AREL1: variants seen among roughly 807,000 people sequenced by gnomAD.
The protein encoded by AREL1 is apoptosis resistant E3 ubiquitin protein ligase 1.
A neutral mutation model predicts 99.0 loss-of-function variants in AREL1; 62 were observed. That is an observed-to-expected ratio of 0.63 (90% CI 0.51 to 0.77). The LOEUF is 0.77. Ranked by LOEUF, AREL1 falls within the 30% of genes least tolerant of loss-of-function variation. The pLI, the probability that AREL1 is intolerant of heterozygous loss-of-function variation, is 0.00. For missense variants in AREL1, 879 were observed against 1,027.6 expected (o/e 0.86, Z 1.98); for synonymous variants, 380 against 376.5 (o/e 1.01, Z -0.11).
At chr14:74,669,622 AC>A in intron 15 of AREL1, 26 bp downstream of exon 15, 1 of 1,610,996 alleles carries the variant, frequency 6.2e-7, no homozygotes, top group African/African-American at 1.3e-5. Flanking sequence ...AGAACATAGG[AC>A]CCAGAGGCTT....
chr14:74,679,711 C>T (rs535271333), intron 5 of AREL1, among the ~76,000 whole-genome samples: 5 of 152,172 alleles, frequency 3.3e-5, no homozygotes, highest in African/African-American at 9.6e-5. Context: ...GCCTGTAATC[C>T]CAGCTACTTG....
rs766118763 is a variant in AREL1, at chr14:74,684,578, C to T, written c.119G>A (p.Arg40His). The change falls in exon 4 of 20, where the codon CGC (arginine) becomes CAC (histidine). Residue 40 changes from arginine (R) to histidine (H), a missense_variant. Physicochemically the swap from Arg to His is conservative, Grantham distance 29. Transcript: ENST00000356357. Reference protein sequence around the residue: ...VSFLQNEDRERRGDRTIYDYV... With the variant: ...VSFLQNEDREHRGDRTIYDYV... ...GTCATAAATAGTCCGGTCCCCTCGG[C>T]GCTCGCGGTCCTCATTCTGGAGGAA... is the stretch of plus-strand genomic sequence containing the variant. 28 of 1,614,056 alleles carry T rather than the reference C, an allele frequency of 1.7e-5. No homozygotes were observed. In the African/African-American group the frequency reaches 2.0e-4, roughly 12 times the overall value.
intron 5 of AREL1, among the ~76,000 whole-genome samples, chr14:74,682,398 A>G (rs892969920): frequency 1.4e-4 from 22 of 152,254 alleles, no homozygotes; most frequent in African/African-American, 5.3e-4. Flanking sequence ...GAGTAATAAA[A>G]ACATGTCAAC....
rs1269615024 is a variant in AREL1, at chr14:74,673,153, T to C, written c.1224A>G (p.Gln408=). The change falls in exon 10 of 20, where the codon CAA becomes CAG. Residue 408 remains glutamine, a synonymous_variant. Coordinates refer to ENST00000356357, the MANE Select transcript of AREL1 (RefSeq NM_001039479.2). ...LLTLVVDDGI[Q]PPVELSCKER... The stretch of plus-strand genomic sequence containing the variant: ...CCTTACAGCTGAGCTCCACAGGAGG[T>C]TGAATGCCATCATCCACCACCAGTG... 8.7e-6 allele frequency: 14 copies of C among 1,613,960 alleles called. No homozygotes were observed. The highest frequency in any genetic ancestry group is 1.1e-5 in the Non-Finnish European group (13 of 1,180,010).
At position 74,678,141 on chromosome 14, in the gene AREL1, C is replaced by T. The variant is rs1208114037; in HGVS notation, c.482-1389G>A. 4 of 447,832 alleles carry T rather than the reference C, an allele frequency of 8.9e-6. No individual in the cohort carries two copies. In the Admixed American group the frequency reaches 9.9e-5, roughly 11 times the overall value. The allele number at this position is 447,832 out of a possible 1,614,324, so 27.7% of individuals were successfully genotyped here. On this transcript the variant is annotated intron_variant, in intron 5 of 19. Transcript: ENST00000356357. The stretch of plus-strand genomic sequence containing the variant: ...AGGCAAAGGAACTAGAATACTAAAA[C>T]AATTTTGAAAAAGAAGAATAAAGTG...
intron 18 of AREL1, 77 bp downstream of exon 18, chr14:74,664,756 GCCT>G (rs2089174419): frequency 3.2e-6 from 4 of 1,253,074 alleles, no homozygotes; most frequent in Non-Finnish European, 4.5e-6. Context: ...ACTGCGCCCG[GCCT>G]CCTCTACTTT....
Position 74,661,409 on chromosome 14 carries a change from T to G in AREL1, c.*2311A>C, listed in dbSNP as rs2089073658. The G allele has an allele frequency of 2.3e-6, 1 of 442,718 alleles. No individual in the cohort carries two copies. The highest frequency in any genetic ancestry group is 4.5e-6 in the Non-Finnish European group (1 of 220,710). The allele number at this position is 442,718 out of a possible 1,614,324, so 27.4% of individuals were successfully genotyped here. ...TGACACTCTCCTAGGTATTCACTCATGTCTGGTCTCCTTCAAAGACGCTAA... is the reference window on the plus strand; with the variant it reads ...TGACACTCTCCTAGGTATTCACTCAGGTCTGGTCTCCTTCAAAGACGCTAA... On this transcript the variant is annotated 3_prime_UTR_variant, in exon 20 of 20. Coordinates refer to ENST00000356357, the MANE Select transcript of AREL1 (RefSeq NM_001039479.2).
At chr14:74,664,351 G>T (rs1189057623) in intron 18 of AREL1, among the ~76,000 whole-genome samples, 3 of 151,528 alleles carry the variant, frequency 2.0e-5, no homozygotes, top group Non-Finnish European at 4.4e-5. Flanking sequence ...GCTCCCTTCT[G>T]CCTGGACAAC....
intron 14 of AREL1, 69 bp downstream of exon 14, chr14:74,669,878 G>A: frequency 6.3e-7 from 1 of 1,579,616 alleles, no homozygotes; most frequent in Non-Finnish European, 8.6e-7. Context: ...TTATTTACAA[G>A]CCCAGGAGGA....
At chr14:74,674,728 T>C (rs1419023555) in intron 8 of AREL1, among the ~76,000 whole-genome samples, 2 of 152,232 alleles carry the variant, frequency 1.3e-5, no homozygotes, top group Non-Finnish European at 2.9e-5. Flanking sequence ...GAACAGAATA[T>C]TTCACCTAGA....
At chr14:74,677,033 TCCTGATCCG>T (rs1332185067) in intron 5 of AREL1, among the ~76,000 whole-genome samples, 1 of 151,876 alleles carries the variant, frequency 6.6e-6, no homozygotes, top group Non-Finnish European at 1.5e-5. Context: ...TCTCCTGACC[TCCTGATCCG>T]CCCGCCTTGG....
chr14:74,685,426 G>A (rs956785029), intron 3 of AREL1, among the ~76,000 whole-genome samples, 174 bp downstream of exon 3: 7 of 152,090 alleles, frequency 4.6e-5, no homozygotes, highest in African/African-American at 1.7e-4. Context: ...GACTATAATT[G>A]CTCAATAAAC....
intron 2 of AREL1, among the ~76,000 whole-genome samples, chr14:74,690,074 C>T (rs560496525): frequency 5.9e-5 from 9 of 151,622 alleles, no homozygotes; most frequent in African/African-American, 2.2e-4. Context: ...ATAGTGGGAC[C>T]TCACCTCTAC....
chr14:74,707,855 G>T (rs1231850656), intron 1 of AREL1, among the ~76,000 whole-genome samples: 1 of 151,072 alleles, frequency 6.6e-6, no homozygotes, highest in Non-Finnish European at 1.5e-5. Context: ...TACTTGGGAG[G>T]CTGAGGCGGG....
At position 74,676,669 on chromosome 14, in the gene AREL1, T is replaced by C. The variant is rs139669171; in HGVS notation, c.565A>G (p.Ile189Val). 1 of 1,614,156 alleles carries C rather than the reference T, an allele frequency of 6.2e-7. No homozygotes were observed. Among genetic ancestry groups the C allele is most frequent in the East Asian group, 2.2e-5 (1 of 44,880 alleles). ...TTATCATACTCATCTCGGGGTACTA[T>C]TTGAAGGGTGTGCGGCTGCCCACAG... The part of the protein sequence containing the change: ...LTCGQPHTLQ[I>V]VPRDEYDNPT... The change falls in exon 6 of 20, where the codon ATA (isoleucine) becomes GTA (valine). Residue 189 changes from isoleucine to valine, a missense_variant. Transcript: ENST00000356357.
At chr14:74,664,798 T>G in intron 18 of AREL1, 38 bp downstream of exon 18, 1 of 1,586,074 alleles carries the variant, frequency 6.3e-7, no homozygotes, top group Non-Finnish European at 8.6e-7. Context: ...CCTTATAACA[T>G]GGCACAAATC....
At chr14:74,686,104 T>A (rs2089742536) in intron 2 of AREL1, among the ~76,000 whole-genome samples, 1 of 152,148 alleles carries the variant, frequency 6.6e-6, no homozygotes, top group Admixed American at 6.5e-5. Context: ...AATGTAGATT[T>A]TTTTTTTTTA....
intron 8 of AREL1, among the ~76,000 whole-genome samples, chr14:74,674,750 T>C (rs1474496590): frequency 6.6e-6 from 1 of 152,106 alleles, no homozygotes; most frequent in Admixed American, 6.6e-5. Flanking sequence ...ACAATCAAAA[T>C]CTCCTTCTGC....
intron 5 of AREL1, among the ~76,000 whole-genome samples, chr14:74,679,089 G>T (rs1224521855): frequency 1.3e-5 from 2 of 152,132 alleles, no homozygotes; most frequent in African/African-American, 4.8e-5. Flanking sequence ...TTGTAGAGAT[G>T]AGGTCTCACT....
Sources: gnomAD v4.1 joint callset for allele counts (sites outside exome capture counted in the v4.1 genomes callset) on GRCh38, gnomAD v4.1.1 for gene constraint, MANE v1.5 for transcripts, NCBI Gene and HGNC (gene_info 2026-07-23, HGNC 2026-07-21) for gene names.